CDH23: variants seen among roughly 807,000 people sequenced by gnomAD.
CDH23 encodes the protein cadherin related 23.
In CDH23, 189 loss-of-function variants were observed where a neutral mutation model predicts 317.1. That is an observed-to-expected ratio of 0.60 (90% confidence interval 0.53 to 0.67). The LOEUF (loss-of-function observed/expected upper bound fraction) is 0.67. Among genes scored for constraint, CDH23 ranks in the 30% least tolerant of loss-of-function variants. The pLI is 0.00. For synonymous variants in CDH23, 1,839 were observed against 1,876.8 expected (o/e 0.98, Z 0.52); for missense variants, 4,401 against 4,592.4 (o/e 0.96, Z 1.20).
chr10:71,526,844 G>A (rs915007278), intron 6 of CDH23, among the ~76,000 whole-genome samples: 29 of 152,238 alleles, frequency 1.9e-4, no homozygotes, highest in Middle Eastern at 3.4e-3. Context: ...TCTTGCCCAC[G>A]TCACAGAGCA....
At chr10:71,403,395 CTT>C (rs1223336296) in intron 1 of CDH23, among the ~76,000 whole-genome samples, 3 of 97,608 alleles carry the variant, frequency 3.1e-5, no homozygotes, top group African/African-American at 4.9e-5. Context: ...TTCTTTCTTT[CTT>C]TCTTTCTTTC....
intron 3 of CDH23, among the ~76,000 whole-genome samples, chr10:71,455,526 T>G (rs1850652848): frequency 6.6e-6 from 1 of 152,194 alleles, no homozygotes. Context: ...AATGTTTCCT[T>G]GAGTGTCTTC....
intron 14 of CDH23, among the ~76,000 whole-genome samples, chr10:71,664,708 T>C (rs1056388148): frequency 6.6e-6 from 1 of 152,224 alleles, no homozygotes; most frequent in African/African-American, 2.4e-5. Flanking sequence ...AATAATTCCC[T>C]GAGGTGGGTG....
At chr10:71,577,019 C>T (rs924990040) in intron 8 of CDH23, among the ~76,000 whole-genome samples, 25 of 152,202 alleles carry the variant, frequency 1.6e-4, no homozygotes, top group Non-Finnish European at 1.0e-4. Context: ...CCCTGGCAAA[C>T]TCCTACTCAT....
At chr10:71,449,230 C>T (rs927745037) in intron 3 of CDH23, among the ~76,000 whole-genome samples, 1 of 152,196 alleles carries the variant, frequency 6.6e-6, no homozygotes. Flanking sequence ...CAGGGTGGTG[C>T]TCAGTGCCAG....
intron 60 of CDH23, 81 bp from the exon 61 acceptor site, chr10:71,809,739 C>A: frequency 6.5e-7 from 1 of 1,547,970 alleles, no homozygotes; most frequent in Non-Finnish European, 8.7e-7. Context: ...ATGTGCCCAC[C>A]TACCCCAGGG....
intron 55 of CDH23, among the ~76,000 whole-genome samples, 155 bp from the exon 56 acceptor site, chr10:71,805,648 CAGG>C (rs1042303774): frequency 2.0e-5 from 3 of 152,206 alleles, no homozygotes; most frequent in African/African-American, 7.2e-5. Context: ...GCCCAGAATC[CAGG>C]AGAATCCAGC....
At position 71,778,228 on chromosome 10, in the gene CDH23, A is replaced by G; in HGVS notation, c.5107A>G (p.Ser1703Gly). 1 of 1,613,864 alleles carries G rather than the reference A, an allele frequency of 6.2e-7. No homozygotes were observed. The highest frequency in any genetic ancestry group is 8.5e-7 in the Non-Finnish European group (1 of 1,179,842). The change falls in exon 40 of 70, where the codon AGC (serine) becomes GGC (glycine). Residue 1703 changes from serine to glycine, a missense_variant. Around this residue, in one of 3 missense-constraint regions of CDH23, gnomAD observed 3,068 missense variants for 3,203.3 expected, o/e 0.96. Coordinates refer to ENST00000224721, the MANE Select transcript of CDH23 (RefSeq NM_022124.6). ...TGCCAAAGAGCTGGACTACGAGATC[A>G]GCCACGGCCGCTACACCCTGATCGT... ...TAAKELDYEI[S>G]HGRYTLIVTA...
intron 9 of CDH23, among the ~76,000 whole-genome samples, chr10:71,602,713 G>T (rs1327269813): frequency 6.6e-6 from 1 of 152,136 alleles, no homozygotes; most frequent in Non-Finnish European, 1.5e-5. Flanking sequence ...GCACTGCACA[G>T]CTCCACCTGC....
intron 51 of CDH23, 82 bp downstream of exon 51, chr10:71,799,362 C>T: frequency 6.2e-7 from 1 of 1,606,660 alleles, no homozygotes; most frequent in Non-Finnish European, 8.5e-7. Context: ...CCCACCCTGC[C>T]AGCCTCTAAG....
chr10:71,556,962 C>T (rs773303067), intron 6 of CDH23, among the ~76,000 whole-genome samples: 2 of 152,200 alleles, frequency 1.3e-5, no homozygotes, highest in Non-Finnish European at 2.9e-5. Context: ...GCACCCTACT[C>T]TTAACATTCA....
intron 9 of CDH23, among the ~76,000 whole-genome samples, chr10:71,595,230 A>G (rs769096502): frequency 1.2e-4 from 18 of 152,276 alleles, no homozygotes; most frequent in Admixed American, 2.6e-4. Context: ...ACCATCTTGA[A>G]AGAAGGCTGC....
intron 54 of CDH23, 48 bp downstream of exon 54, chr10:71,803,123 G>A: frequency 6.3e-7 from 1 of 1,599,588 alleles, no homozygotes; most frequent in East Asian, 2.2e-5. Flanking sequence ...GGGTGGGAGG[G>A]GGAGGCCTGC....
At chr10:71,398,428 A>AGAGT (rs759251355) in intron 1 of CDH23, among the ~76,000 whole-genome samples, 1 of 120,166 alleles carries the variant, frequency 8.3e-6, no homozygotes, top group African/African-American at 3.1e-5. Context: ...GAGACACAGG[A>AGAGT]GTGTGTGTGT....
intron 3 of CDH23, among the ~76,000 whole-genome samples, chr10:71,499,115 T>A (rs1853135296): frequency 6.6e-6 from 1 of 152,172 alleles, no homozygotes; most frequent in African/African-American, 2.4e-5. Flanking sequence ...TAGATGGAAT[T>A]GAAGATCATC....
intron 18 of CDH23, 97 bp downstream of exon 18, chr10:71,682,669 T>C: frequency 6.8e-7 from 1 of 1,478,558 alleles, no homozygotes; most frequent in Non-Finnish European, 9.2e-7. Flanking sequence ...CCCCACCTCC[T>C]TGGCTGTCCC....
At chr10:71,669,933 G>A (rs370990586) in intron 14 of CDH23, among the ~76,000 whole-genome samples, 30 of 152,256 alleles carry the variant, frequency 2.0e-4, no homozygotes, top group African/African-American at 5.1e-4. Context: ...CCCGGGAGGC[G>A]GAGGTTGCAG....
At chr10:71,580,081 G>A (rs909248760) in intron 9 of CDH23, among the ~76,000 whole-genome samples, 4 of 152,220 alleles carry the variant, frequency 2.6e-5, no homozygotes, top group Admixed American at 6.5e-5. Context: ...CCTCCAGGGC[G>A]CTGGCCCATT....
chr10:71,809,798 C>T, intron 60 of CDH23, 22 bp from the exon 61 acceptor site: 1 of 1,605,890 alleles, frequency 6.2e-7, no homozygotes, highest in Non-Finnish European at 8.5e-7. Flanking sequence ...TGAGCCGTAC[C>T]CCGCCTTTGG....
Sources: gnomAD v4.1 joint callset for allele counts (sites outside exome capture counted in the v4.1 genomes callset) on GRCh38, gnomAD v4.1.1 for gene constraint, gnomAD v4.1.1 regional missense constraint, MANE v1.5 for transcripts, NCBI Gene and HGNC (gene_info 2026-07-23, HGNC 2026-07-21) for gene names.